The following ASIC4 variants were observed in gnomAD, a reference collection of about 807,000 sequenced individuals.
ASIC4 encodes acid-sensing ion channel 4.
ASIC4 carries 28 observed loss-of-function variants against 53.4 expected under a neutral mutation model. The ratio of observed to expected loss-of-function variants is 0.52; its 90% CI spans 0.39 to 0.72. The LOEUF (loss-of-function observed/expected upper bound fraction) is 0.72. Ranked by LOEUF, ASIC4 falls within the 30% of genes least tolerant of loss-of-function variation. The pLI is 0.00. For synonymous variants in ASIC4, 289 were observed against 301.4 expected (o/e 0.96, Z 0.43); for missense variants, 649 against 729.7 (o/e 0.89, Z 1.27).
At chr2:219,509,117 C>T in the ASIC4 span, among the ~76,000 whole-genome samples, 5 of 151,986 alleles carry the variant, frequency 3.3e-5, no homozygotes, top group Admixed American at 1.3e-4. This position sits in a 1 kb window ranked among gnomAD's most constrained non-coding sequence, Gnocchi z 5.2. Context: ...CCTCATCTCC[C>T]TCCAGTCCCC....
At chr2:219,531,549 G>A (rs961207057) in intron 1 of ASIC4, among the ~76,000 whole-genome samples, 15 of 152,176 alleles carry the variant, frequency 9.9e-5, no homozygotes, top group Non-Finnish European at 1.3e-4. Flanking sequence ...ATGTGCTGTT[G>A]GGTTGGAGAT....
At chr2:219,514,213 C>T, upstream of ASIC4, 1 of 1,135,572 alleles carries the variant, frequency 8.8e-7, no homozygotes, top group African/African-American at 1.6e-5. Flanking sequence ...GGGGGATAGC[C>T]CCAGTCTTGG....
upstream of ASIC4, among the ~76,000 whole-genome samples, chr2:219,511,058 C>T (rs1694695171): frequency 6.6e-6 from 1 of 152,136 alleles, no homozygotes; most frequent in Non-Finnish European, 1.5e-5. This position sits in a 1 kb window ranked among gnomAD's most constrained non-coding sequence, Gnocchi z 5.3. Flanking sequence ...TGGCTCATCA[C>T]TTGGTCCGCA....
chr2:219,510,404 C>T (rs1022908496), upstream of ASIC4, among the ~76,000 whole-genome samples: 5 of 152,324 alleles, frequency 3.3e-5, no homozygotes, highest in Admixed American at 6.5e-5. The surrounding 1 kb of genome is among the most constrained non-coding windows in gnomAD (Gnocchi z 5.2). Context: ...TACTGGCTGA[C>T]ACCGCCTCTG....
Position 219,518,053 on chromosome 2 carries a change from C to G in ASIC4, c.582+2747C>G, listed in dbSNP as rs1275438202. ...TACCACTGCAATCGCTCTCCCCCCA[C>G]GCTCCCTAATATCCCTTCATGCACT... On this transcript the variant is annotated intron_variant, in intron 1 of 9. Coordinates refer to ENST00000358078, the MANE Select transcript of ASIC4 (RefSeq NM_018674.6). This position sits in a 1 kb window ranked among gnomAD's most constrained non-coding sequence, Gnocchi z 4.8. 6.6e-6 allele frequency among the ~76,000 whole-genome samples: 1 copy of G among 152,150 alleles called. No individual in the cohort carries two copies. The highest frequency in any genetic ancestry group is 1.5e-5 in the Non-Finnish European group (1 of 68,026).
In ASIC4 at chr2:219,532,033, C is replaced by T; in HGVS notation, c.760C>T (p.Gln254Ter). 2.5e-6 allele frequency: 4 copies of T among 1,614,240 alleles called. No individual in the cohort carries two copies. The highest frequency in any genetic ancestry group is 2.5e-6 in the Non-Finnish European group (3 of 1,180,034). The part of the protein sequence containing the change: ...ETSFEAGIRV[Q>*]IHSQEEPPYI... ...GTCGTTTGAGGCAGGTATTCGGGTG[C>T]AGATCCACAGCCAGGAGGAGCCGCC... Residue 254 changes from glutamine (Q) to a stop codon, truncating the protein, a stop_gained, in exon 3 of 10, where the codon CAG (glutamine) becomes TAG (stop). Coordinates refer to ENST00000358078, the MANE Select transcript of ASIC4 (RefSeq NM_018674.6). LOFTEE classifies it high-confidence loss of function.
intron 1 of ASIC4, among the ~76,000 whole-genome samples, chr2:219,519,404 A>G (rs746233): frequency 0.56 from 85,017 of 152,042 alleles, 24,141 homozygotes; most frequent in African/African-American, 0.63. Context: ...ATTACTCTCC[A>G]TTACCTAGTC....
In ASIC4 at chr2:219,528,635, G is replaced by C. The variant is rs927873002; in HGVS notation, c.583-3123G>C. The stretch of plus-strand genomic sequence containing the variant: ...GCTCACTGCAACCTCCACCTCCTGA[G>C]TTGAAGCGATTCTCCTACCTCAGCC... On this transcript the variant is annotated intron_variant, in intron 1 of 9. Coordinates refer to ENST00000358078, the MANE Select transcript of ASIC4 (RefSeq NM_018674.6). 2.0e-5 allele frequency among the ~76,000 whole-genome samples: 3 copies of C among 152,186 alleles called. No homozygotes were observed. The South Asian group carries it at 6.2e-4, about 32-fold the overall frequency.
In ASIC4 at chr2:219,535,090, C is replaced by T. The variant is rs1695105917; in HGVS notation, c.1076-81C>T. The T allele has an allele frequency of 3.3e-6, 5 of 1,536,446 alleles. No individual in the cohort carries two copies. In the East Asian group the frequency reaches 9.1e-5, roughly 28 times the overall value. Reference sequence around the variant, plus strand: ...GGGTGTGCCTGCCTCAGGACGGCCCCTGGGCCTCCTCTCTGCAGCTGGTGG... The same window carrying T: ...GGGTGTGCCTGCCTCAGGACGGCCCTTGGGCCTCCTCTCTGCAGCTGGTGG... On this transcript the variant is annotated intron_variant, in intron 5 of 9. Coordinates refer to ENST00000358078, the MANE Select transcript of ASIC4 (RefSeq NM_018674.6).
chr2:219,508,152 T>C, the ASIC4 span, among the ~76,000 whole-genome samples: 1 of 152,086 alleles, frequency 6.6e-6, no homozygotes, highest in South Asian at 2.1e-4. Context: ...GGGAGGGGGC[T>C]GCAGGTCCCC....
rs752870201 is a variant in ASIC4, at chr2:219,531,920, G to A, written c.727+18G>A. 6.2e-7 allele frequency: 1 copy of A among 1,611,380 alleles called. No homozygotes were observed. The highest frequency in any genetic ancestry group is 1.7e-5 in the Admixed American group (1 of 59,882). On this transcript the variant is annotated intron_variant, in intron 2 of 9. Coordinates refer to ENST00000358078, the MANE Select transcript of ASIC4 (RefSeq NM_018674.6). ...GGAGACAAGTACGCAGGCCGGAAAG[G>A]GACAAGGGCCACCTTGGGGACTGGG...
At chr2:219,523,722 A>G (rs1459440317) in intron 1 of ASIC4, among the ~76,000 whole-genome samples, 1 of 152,166 alleles carries the variant, frequency 6.6e-6, no homozygotes, top group Non-Finnish European at 1.5e-5. Context: ...CATCACTACA[A>G]GGATCACAAC....
chr2:219,523,576 C>A (rs1194659964), intron 1 of ASIC4, among the ~76,000 whole-genome samples: 1 of 152,202 alleles, frequency 6.6e-6, no homozygotes, highest in Non-Finnish European at 1.5e-5. Flanking sequence ...GGCGCTGTGT[C>A]TTCCTCTTTC....
intron 5 of ASIC4, 167 bp downstream of exon 5, chr2:219,533,106 A>C: frequency 1.4e-6 from 1 of 725,838 alleles, no homozygotes; most frequent in Non-Finnish European, 2.4e-6. Context: ...AGGTCTGCGG[A>C]CCTCTGCAGG....
intron 1 of ASIC4, 126 bp from the exon 2 acceptor site, chr2:219,531,628 ATTGC>A: frequency 9.5e-7 from 1 of 1,056,166 alleles, no homozygotes; most frequent in Non-Finnish European, 1.4e-6. Flanking sequence ...TGGGCTGTAC[ATTGC>A]TTGCTAGGAT....
In ASIC4 at chr2:219,531,815, CCCAG is replaced by C; in HGVS notation, c.643_646del (p.Ser215GlyfsTer71). On this transcript the variant is annotated frameshift_variant, in exon 2 of 10. Coordinates refer to ENST00000358078, the MANE Select transcript of ASIC4 (RefSeq NM_018674.6). LOFTEE classifies it high-confidence loss of function. Reference sequence around the variant, plus strand: ...CAACGCGGACCCGCGGAGCTCGCTGCCCAGCCGGGCAGGGGGCATGGGCAGTGGC... The same window carrying C: ...CAACGCGGACCCGCGGAGCTCGCTGCCCGGGCAGGGGGCATGGGCAGTGGC... The C allele has an allele frequency of 6.2e-7, 1 of 1,613,552 alleles. No individual in the cohort carries two copies. The highest frequency in any genetic ancestry group is 8.5e-7 in the Non-Finnish European group (1 of 1,179,722).
In ASIC4 at chr2:219,531,820, C is replaced by G. The variant is rs1695046196; in HGVS notation, c.645C>G (p.Ser215Arg). Residue 215 changes from serine to arginine, a missense_variant, in exon 2 of 10, where the codon AGC becomes AGG. By Grantham distance (110) the Ser-to-Arg change is moderately radical. Transcript: ENST00000358078. ...CGGACCCGCGGAGCTCGCTGCCCAG[C>G]CGGGCAGGGGGCATGGGCAGTGGCC... ...FNADPRSSLPSRAGGMGSGLE... is the reference protein window; with the variant it reads ...FNADPRSSLPRRAGGMGSGLE... 3 of 1,613,430 alleles carry G rather than the reference C, an allele frequency of 1.9e-6. No homozygotes were observed. Among genetic ancestry groups the G allele is most frequent in the Non-Finnish European group, 2.5e-6 (3 of 1,179,720 alleles).
intron 1 of ASIC4, among the ~76,000 whole-genome samples, chr2:219,523,016 C>T (rs1010069951): frequency 6.6e-6 from 1 of 152,006 alleles, no homozygotes; most frequent in African/African-American, 2.4e-5. Flanking sequence ...GGCGGCCAGG[C>T]TGTGTGTGCG....
At position 219,535,185 on chromosome 2, in the gene ASIC4, G is replaced by T; in HGVS notation, c.1090G>T (p.Gly364Cys). The T allele has an allele frequency of 6.2e-7, 1 of 1,613,438 alleles. No homozygotes were observed. The highest frequency in any genetic ancestry group is 8.5e-7 in the Non-Finnish European group (1 of 1,179,696). ...CTGTGTTGCAGACTCCCTGGGTGGG[G>T]GCCCTGAGGGCCCGTGCTTCTGCCC... ...ADHTLDSLGG[G>C]PEGPCFCPTP... Residue 364 changes from glycine (G) to cysteine (C), a missense_variant, in exon 6 of 10, where the codon GGC becomes TGC. Transcript: ENST00000358078.
Sources: allele counts gnomAD v4.1 joint callset (sites outside exome capture counted in the v4.1 genomes callset), GRCh38; gene constraint gnomAD v4.1.1; non-coding constraint Gnocchi (gnomAD v3.1); transcripts MANE v1.5; gene names NCBI Gene and HGNC (gene_info 2026-07-23, HGNC 2026-07-21).